Variants in CPS1 observed in about 807,000 individuals in gnomAD.
CPS1 encodes the protein carbamoyl-phosphate synthase 1.
CPS1 carries 109 observed loss-of-function variants against 174.6 expected under a neutral mutation model. The ratio of observed to expected loss-of-function variants is 0.62; its 90% CI spans 0.53 to 0.73. CPS1 has a LOEUF of 0.73. Ranked by LOEUF, CPS1 falls within the 30% of genes least tolerant of loss-of-function variation. The pLI is 0.00. For missense variants in CPS1, 1,689 were observed against 1,821.9 expected, an observed-to-expected ratio of 0.93 and a Z score of 1.33; for synonymous variants, 637 against 632.0, an observed-to-expected ratio of 1.01 and a Z score of -0.12.
intron 1 of CPS1, among the ~76,000 whole-genome samples, chr2:210,515,517 A>C (rs1201750203): frequency 6.6e-6 from 1 of 151,520 alleles, no homozygotes; most frequent in Non-Finnish European, 1.5e-5. Flanking sequence ...GTCTCTGAGA[A>C]TCTTTTGTAT....
intron 1 of CPS1, among the ~76,000 whole-genome samples, chr2:210,497,893 C>CATACATATATATATATATATAT (rs373767668): frequency 5.8e-5 from 5 of 86,944 alleles, no homozygotes; most frequent in Non-Finnish European, 9.2e-5. Flanking sequence ...TATATACATA[C>CATACATATATATATATATATAT]ATATATATAT....
intron 13 of CPS1, among the ~76,000 whole-genome samples, chr2:210,597,310 G>A (rs747876869): frequency 1.1e-4 from 17 of 151,834 alleles, no homozygotes; most frequent in Non-Finnish European, 2.1e-4. Flanking sequence ...GAGATGACTC[G>A]TATTGAGGAA....
Position 210,637,763 on chromosome 2 carries a change from A to T in CPS1, c.2749A>T (p.Ile917Phe). Residue 917 changes from isoleucine (I) to phenylalanine (F), a missense_variant, in exon 22 of 38, where the codon ATT becomes TTT. Physicochemically the swap from Ile to Phe is conservative, Grantham distance 21. Transcript: ENST00000233072. ...AKEIGFSDKQ[I>F]SKCLGLTEAQ... ...GGAGATTGGGTTCTCAGATAAGCAG[A>T]TTTCAAAATGCCTTGGGCTCACTGA... 6.2e-7 allele frequency: 1 copy of T among 1,614,034 alleles called. No homozygotes were observed. The highest frequency in any genetic ancestry group is 8.5e-7 in the Non-Finnish European group (1 of 1,179,944).
chr2:210,616,602 C>T, intron 21 of CPS1, 61 bp downstream of exon 21: 2 of 978,774 alleles, frequency 2.0e-6, no homozygotes, highest in Non-Finnish European at 3.3e-6. Context: ...AAAGAGTCTT[C>T]TTCCTACTCT....
chr2:210,669,246 T>C lies in CPS1; in HGVS notation c.4101+962T>C, dbSNP rs1361276573. ...TTTTTATTACTATTCAGAACTACTTTTATTACTATTACTAATTGCAAGAGT... is the reference window on the plus strand; with the variant it reads ...TTTTTATTACTATTCAGAACTACTTCTATTACTATTACTAATTGCAAGAGT... On this transcript the variant is annotated intron_variant, in intron 34 of 37. Coordinates refer to ENST00000233072, the MANE Select transcript of CPS1 (RefSeq NM_001875.5). 2.0e-5 allele frequency among the ~76,000 whole-genome samples: 3 copies of C among 152,156 alleles called. No individual in the cohort carries two copies. In the East Asian group the frequency reaches 5.8e-4, roughly 29 times the overall value.
intron 34 of CPS1, chr2:210,672,627 G>A (rs890139400): frequency 6.6e-6 from 1 of 152,156 alleles, no homozygotes; most frequent in African/African-American, 2.4e-5. Context: ...GTCACTAAGA[G>A]TTATTCTCTA....
intron 1 of CPS1, among the ~76,000 whole-genome samples, chr2:210,481,750 G>T (rs879662863): frequency 1.7e-4 from 26 of 152,348 alleles, no homozygotes; most frequent in Middle Eastern, 3.4e-3. Flanking sequence ...TGCCTTGAGG[G>T]CAGGTGTATA....
At chr2:210,556,411 A>C (rs982770838), upstream of CPS1, 15 of 533,808 alleles carry the variant, frequency 2.8e-5, no homozygotes, top group Admixed American at 3.4e-4. Context: ...CTGCATAAAC[A>C]ATTCCTTTGA....
At chr2:210,648,943 T>G (rs977159776) in intron 27 of CPS1, among the ~76,000 whole-genome samples, 4 of 152,216 alleles carry the variant, frequency 2.6e-5, no homozygotes, top group African/African-American at 9.7e-5. Context: ...TGTTTTAAAA[T>G]TTTCAGTTTT....
chr2:210,531,632 C>T (rs1260602800), intron 1 of CPS1, among the ~76,000 whole-genome samples: 1 of 151,994 alleles, frequency 6.6e-6, no homozygotes, highest in African/African-American at 2.4e-5. Flanking sequence ...GGTCGTTTAT[C>T]GGGAGGAGTT....
At chr2:210,574,710 G>A (rs1425465938) in intron 2 of CPS1, among the ~76,000 whole-genome samples, 1 of 152,040 alleles carries the variant, frequency 6.6e-6, no homozygotes, top group Non-Finnish European at 1.5e-5. Flanking sequence ...CATCACAAAA[G>A]TCAAACAGGA....
chr2:210,657,684 C>CT (rs1700763155), intron 30 of CPS1: 1 of 152,214 alleles, frequency 6.6e-6, no homozygotes, highest in African/African-American at 2.4e-5. Context: ...AGGCTCAGCT[C>CT]TTTTTAGTGA....
intron 21 of CPS1, among the ~76,000 whole-genome samples, chr2:210,622,353 G>A (rs973250517): frequency 1.3e-5 from 2 of 151,616 alleles, no homozygotes; most frequent in Non-Finnish European, 2.9e-5. Flanking sequence ...AAGTGTGCAT[G>A]TAAATATATT....
intron 34 of CPS1, among the ~76,000 whole-genome samples, chr2:210,670,195 C>T (rs775849572): frequency 1.1e-4 from 16 of 151,974 alleles, no homozygotes; most frequent in African/African-American, 2.7e-4. Context: ...TGAGAGCATA[C>T]GGACACAGAT....
At chr2:210,629,381 C>A (rs1699792252) in intron 21 of CPS1, among the ~76,000 whole-genome samples, 1 of 151,892 alleles carries the variant, frequency 6.6e-6, no homozygotes, top group Non-Finnish European at 1.5e-5. Flanking sequence ...GTGGCGCGAT[C>A]TCGGCTCACT....
intron 21 of CPS1, among the ~76,000 whole-genome samples, chr2:210,630,998 G>GT (rs1455147306): frequency 2.7e-5 from 4 of 148,038 alleles, no homozygotes; most frequent in South Asian, 2.2e-4. Context: ...GTCAGGCTTA[G>GT]TTTTTTTCTG....
At chr2:210,483,898 G>C (rs1694642113) in intron 1 of CPS1, among the ~76,000 whole-genome samples, 1 of 152,132 alleles carries the variant, frequency 6.6e-6, no homozygotes, top group East Asian at 1.9e-4. Context: ...TGATTTATTT[G>C]TTGGTTCTTT....
chr2:210,663,600 A>G (rs1326694864), intron 33 of CPS1, among the ~76,000 whole-genome samples: 5 of 152,206 alleles, frequency 3.3e-5, no homozygotes, highest in Non-Finnish European at 7.3e-5. Context: ...GAATGACAGC[A>G]TTATAAAGAT....
intron 1 of CPS1, among the ~76,000 whole-genome samples, chr2:210,543,088 A>G (rs2106015532): frequency 6.6e-6 from 1 of 152,250 alleles, no homozygotes; most frequent in South Asian, 2.1e-4. Context: ...ATTAGCAACC[A>G]TCACCCACAG....
Sources: allele counts gnomAD v4.1 joint callset (sites outside exome capture counted in the v4.1 genomes callset), GRCh38; gene constraint gnomAD v4.1.1; transcripts MANE v1.5; gene names NCBI Gene and HGNC (gene_info 2026-07-23, HGNC 2026-07-21).